Variants in KIF16B observed in about 807,000 individuals in gnomAD.
KIF16B encodes kinesin-like protein KIF16B.
Under a neutral mutation model 156.3 loss-of-function variants are expected in KIF16B, and 98 were observed. That is an observed-to-expected ratio of 0.63 (90% CI 0.53 to 0.74). The LOEUF (loss-of-function observed/expected upper bound fraction) is 0.74. KIF16B is among the 30% of genes least tolerant of loss of function. The probability of loss-of-function intolerance (pLI) is 0.00; values close to 1 mark genes in which losing one functional copy is unlikely to be tolerated. For synonymous variants in KIF16B, 564 were observed against 583.7 expected (o/e 0.97, Z 0.49); for missense variants, 1,421 against 1,606.5 (o/e 0.88, Z 1.97).
At chr20:16,522,346 C>T (rs1025645040) in intron 3 of KIF16B, among the ~76,000 whole-genome samples, 1 of 151,948 alleles carries the variant, frequency 6.6e-6, no homozygotes, top group Non-Finnish European at 1.5e-5. Context: ...AAATGGAAAG[C>T]AAAAAATAGC....
chr20:16,437,873 C>G (rs1018094767), intron 12 of KIF16B, among the ~76,000 whole-genome samples: 2 of 151,782 alleles, frequency 1.3e-5, no homozygotes, highest in African/African-American at 4.8e-5. Context: ...TGGCTCATGC[C>G]TGTAATCCCA....
chr20:16,429,033 T>C, intron 13 of KIF16B, 29 bp from the exon 14 acceptor site: 2 of 1,576,840 alleles, frequency 1.3e-6, no homozygotes, highest in Non-Finnish European at 1.7e-6. Context: ...CAAAATGTAT[T>C]AGTAAGAAGA....
At chr20:16,548,496 C>T (rs529017976) in intron 1 of KIF16B, among the ~76,000 whole-genome samples, 6 of 152,322 alleles carry the variant, frequency 3.9e-5, no homozygotes, top group Admixed American at 2.6e-4. Flanking sequence ...GCCTGAGCTC[C>T]GCCTCCTGTC....
At chr20:16,488,316 T>C (rs1040167482) in intron 12 of KIF16B, among the ~76,000 whole-genome samples, 2 of 152,258 alleles carry the variant, frequency 1.3e-5, no homozygotes, top group African/African-American at 4.8e-5. Context: ...GGCTGCCAGC[T>C]TGGCGCTGCA....
intron 1 of KIF16B, among the ~76,000 whole-genome samples, chr20:16,531,507 T>C (rs1223337586): frequency 6.6e-6 from 1 of 152,136 alleles, no homozygotes; most frequent in African/African-American, 2.4e-5. Context: ...CTACCTGAAG[T>C]ACCAACGCGA....
intron 25 of KIF16B, among the ~76,000 whole-genome samples, chr20:16,287,944 C>T (rs927077644): frequency 2.0e-5 from 3 of 152,348 alleles, no homozygotes; most frequent in African/African-American, 7.2e-5. Flanking sequence ...CACTCAACCT[C>T]ACTTGGTTGA....
chr20:16,433,879 G>A (rs192716061), intron 12 of KIF16B, among the ~76,000 whole-genome samples: 127 of 152,108 alleles, frequency 8.3e-4, no homozygotes, highest in African/African-American at 2.9e-3. Flanking sequence ...TTTATTGAGT[G>A]GCATCTACTG....
At chr20:16,410,525 A>T (rs921847751) in intron 15 of KIF16B, among the ~76,000 whole-genome samples, 16 of 152,008 alleles carry the variant, frequency 1.1e-4, no homozygotes, top group African/African-American at 3.9e-4. Context: ...CATGAAATTT[A>T]TTTATGCTTC....
At chr20:16,476,977 G>A (rs551423199) in intron 12 of KIF16B, among the ~76,000 whole-genome samples, 139 of 152,100 alleles carry the variant, frequency 9.1e-4, no homozygotes, top group African/African-American at 3.2e-3. Flanking sequence ...TCGATCTCCT[G>A]ACCTCATAAT....
At chr20:16,296,612 G>A (rs893673830) in intron 25 of KIF16B, among the ~76,000 whole-genome samples, 2 of 152,184 alleles carry the variant, frequency 1.3e-5, no homozygotes, top group Non-Finnish European at 2.9e-5. Context: ...TGGGAGCTGG[G>A]GAGATGACAG....
chr20:16,498,479 A>T (rs562671060), intron 10 of KIF16B, among the ~76,000 whole-genome samples: 1 of 152,342 alleles, frequency 6.6e-6, no homozygotes, highest in East Asian at 1.9e-4. Context: ...GGTCATATGC[A>T]AGCGTGTTTT....
rs183154811 is a variant in KIF16B, at chr20:16,369,950, G to T, written c.3498+636C>A. Among the ~76,000 whole-genome samples the T allele has an allele frequency of 1.6e-3, 249 of 152,252 alleles. 3 individuals carry two copies. Among genetic ancestry groups the T allele is most frequent in the African/African-American group, 5.6e-3 (232 of 41,532 alleles). On this transcript the variant is annotated intron_variant, in intron 22 of 25. Coordinates refer to ENST00000354981, the MANE Select transcript of KIF16B (RefSeq NM_024704.5). ...ATCATTACTGGATGACTGGCAGGAG[G>T]GTGTGGCTGCGGCCAAAGTCAGCTC...
intron 3 of KIF16B, among the ~76,000 whole-genome samples, chr20:16,521,429 G>A (rs2069346852): frequency 6.6e-6 from 1 of 151,712 alleles, no homozygotes; most frequent in African/African-American, 2.4e-5. Context: ...AGAGATTGAA[G>A]AACAACTTAA....
At chr20:16,327,002 TGTATGC>T (rs2063863121) in intron 24 of KIF16B, among the ~76,000 whole-genome samples, 1 of 150,334 alleles carries the variant, frequency 6.7e-6, no homozygotes, top group Non-Finnish European at 1.5e-5. Flanking sequence ...TATGTGTATG[TGTATGC>T]ATATATGTGT....
At chr20:16,502,542 C>A (rs1460514530) in intron 10 of KIF16B, among the ~76,000 whole-genome samples, 3 of 152,004 alleles carry the variant, frequency 2.0e-5, no homozygotes, top group Non-Finnish European at 4.4e-5. Flanking sequence ...ATCCTCACCC[C>A]CAAAATTACA....
intron 1 of KIF16B, among the ~76,000 whole-genome samples, chr20:16,551,134 T>TTC (rs1555800510): frequency 8.1e-6 from 1 of 123,610 alleles, no homozygotes; most frequent in Non-Finnish European, 1.8e-5. Context: ...TTTCTCTTCT[T>TTC]TTTTTTTTTT....
chr20:16,374,142 G>T, intron 20 of KIF16B, 115 bp downstream of exon 20: 1 of 1,018,712 alleles, frequency 9.8e-7, no homozygotes, highest in Non-Finnish European at 1.4e-6. Flanking sequence ...TCAAGCACGT[G>T]TATTACTTGT....
At chr20:16,366,317 A>G (rs2064665348) in intron 22 of KIF16B, among the ~76,000 whole-genome samples, 1 of 152,126 alleles carries the variant, frequency 6.6e-6, no homozygotes, top group African/African-American at 2.4e-5. Context: ...ATGCCAGAGG[A>G]AGGTACCTCT....
intron 24 of KIF16B, among the ~76,000 whole-genome samples, chr20:16,324,883 A>G (rs1039045270): frequency 3.3e-5 from 5 of 152,258 alleles, no homozygotes; most frequent in African/African-American, 1.2e-4. Flanking sequence ...CCTGATGAAC[A>G]TAGATGCAAA....
Sources: gnomAD v4.1 joint callset for allele counts (sites outside exome capture counted in the v4.1 genomes callset) on GRCh38, gnomAD v4.1.1 for gene constraint, MANE v1.5 for transcripts, NCBI Gene and HGNC (gene_info 2026-07-23, HGNC 2026-07-21) for gene names.